The following TENM4 variants were observed in gnomAD, a reference collection of about 807,000 sequenced individuals.
The protein encoded by TENM4 is teneurin transmembrane protein 4, also known as teneurin-4.
In TENM4, 82 loss-of-function variants were observed where a neutral mutation model predicts 243.3. The ratio of observed to expected loss-of-function variants is 0.34; its 90% CI spans 0.28 to 0.40. The LOEUF (loss-of-function observed/expected upper bound fraction) is 0.40, where lower values mean the gene tolerates loss of function less well. TENM4 is among the 10% of genes least tolerant of loss of function. The pLI, the probability that TENM4 is intolerant of heterozygous loss-of-function variation, is 1.00. For missense variants in TENM4, 3,138 were observed against 3,673.3 expected, an observed-to-expected ratio of 0.85 and a Z score of 3.77; for synonymous variants, 1,412 against 1,456.3, an observed-to-expected ratio of 0.97 and a Z score of 0.69.
intron 6 of TENM4, among the ~76,000 whole-genome samples, chr11:79,046,158 C>T (rs1020102729): frequency 1.3e-5 from 2 of 152,192 alleles, no homozygotes; most frequent in African/African-American, 4.8e-5. Flanking sequence ...GGCTGACTCA[C>T]TTAGAAGGGG....
intron 1 of TENM4, among the ~76,000 whole-genome samples, chr11:79,382,784 A>G (rs1565323648): frequency 6.6e-6 from 1 of 152,108 alleles, no homozygotes; most frequent in Admixed American, 6.5e-5. Context: ...CTGAGAAATG[A>G]AACCACTCCT....
chr11:78,878,218 C>T (rs1003661565), intron 9 of TENM4, among the ~76,000 whole-genome samples: 1 of 152,150 alleles, frequency 6.6e-6, no homozygotes, highest in African/African-American at 2.4e-5. Flanking sequence ...TCATCCTGCC[C>T]TCCTTTCTTT....
chr11:79,053,984 T>C (rs1468150395), intron 6 of TENM4, among the ~76,000 whole-genome samples: 4 of 152,202 alleles, frequency 2.6e-5, no homozygotes, highest in Admixed American at 2.6e-4. Context: ...GCTAGTTTCA[T>C]GTTGTGCCCA....
Position 78,891,186 on chromosome 11 carries a change from C to T in TENM4, c.848+52G>A, listed in dbSNP as rs1045167038. 3.0e-5 allele frequency: 46 copies of T among 1,513,294 alleles called. No homozygotes were observed. In the Middle Eastern group the frequency reaches 1.0e-3, roughly 34 times the overall value. The allele number at this position is 1,513,294 out of a possible 1,614,324, so 93.7% of individuals were successfully genotyped here. A position where few individuals can be genotyped will look rare whatever the true frequency, so the allele number is the denominator to read the frequency against. On this transcript the variant is annotated intron_variant, in intron 8 of 33. Coordinates refer to ENST00000278550, the MANE Select transcript of TENM4 (RefSeq NM_001098816.3). ...AGGTCTCAGGGTCTGCATGCAAGTGCAGGAGCCACAAGGAGAGCACACACA... is the reference window on the plus strand; with the variant it reads ...AGGTCTCAGGGTCTGCATGCAAGTGTAGGAGCCACAAGGAGAGCACACACA...
chr11:78,873,177 T>TGTGCAC (rs1181045339), intron 9 of TENM4, among the ~76,000 whole-genome samples: 1 of 152,214 alleles, frequency 6.6e-6, no homozygotes, highest in African/African-American at 2.4e-5. Flanking sequence ...TGCCTTTATC[T>TGTGCAC]GTGCACGGAG....
intron 1 of TENM4, among the ~76,000 whole-genome samples, chr11:79,436,351 A>T (rs536575560): frequency 6.2e-4 from 94 of 151,098 alleles, no homozygotes; most frequent in Non-Finnish European, 1.1e-3. Flanking sequence ...ACTGGATCAT[A>T]AAAAAAAACC....
chr11:79,163,354 A>G (rs1312342089), intron 3 of TENM4, among the ~76,000 whole-genome samples: 1 of 152,154 alleles, frequency 6.6e-6, no homozygotes, highest in East Asian at 1.9e-4. Flanking sequence ...CAACAAGCTG[A>G]AAACACTTGT....
chr11:79,051,729 CGT>C (rs1859798453), intron 6 of TENM4, among the ~76,000 whole-genome samples: 1 of 152,130 alleles, frequency 6.6e-6, no homozygotes, highest in South Asian at 2.1e-4. Flanking sequence ...CATAAATAAA[CGT>C]GTGTCATGGT....
intron 4 of TENM4, among the ~76,000 whole-genome samples, chr11:79,088,634 T>G (rs181387973): frequency 6.6e-6 from 1 of 152,346 alleles, no homozygotes; most frequent in Non-Finnish European, 1.5e-5. Context: ...ACTTGGCTGT[T>G]TATTATGACT....
At chr11:79,030,871 C>T (rs927013772) in intron 6 of TENM4, among the ~76,000 whole-genome samples, 1 of 152,154 alleles carries the variant, frequency 6.6e-6, no homozygotes, top group Non-Finnish European at 1.5e-5. Flanking sequence ...CGCCAAGGCC[C>T]TGCTGGATAT....
At chr11:78,783,155 G>C (rs1856870353) in intron 16 of TENM4, among the ~76,000 whole-genome samples, 1 of 152,058 alleles carries the variant, frequency 6.6e-6, no homozygotes, top group African/African-American at 2.4e-5. Flanking sequence ...AAAGAAATAG[G>C]AAAAAAATTA....
chr11:78,857,903 T>A (rs1858716711), intron 10 of TENM4, among the ~76,000 whole-genome samples: 1 of 152,188 alleles, frequency 6.6e-6, no homozygotes. Flanking sequence ...AGCTTTTAAT[T>A]TTGCTAGGGA....
chr11:78,815,461 C>G (rs1565391154), intron 12 of TENM4, among the ~76,000 whole-genome samples: 2 of 152,314 alleles, frequency 1.3e-5, no homozygotes, highest in East Asian at 3.9e-4. Context: ...TCATGCCCCC[C>G]TTTTGCAGAG....
chr11:79,310,445 T>C (rs1180715484), intron 1 of TENM4, among the ~76,000 whole-genome samples: 3 of 152,166 alleles, frequency 2.0e-5, no homozygotes, highest in African/African-American at 4.8e-5. Context: ...GTCCAATAGG[T>C]GCCAGGCTCT....
chr11:79,344,796 C>T (rs1474152056), intron 1 of TENM4, among the ~76,000 whole-genome samples: 5 of 152,118 alleles, frequency 3.3e-5, no homozygotes, highest in South Asian at 2.1e-4. Flanking sequence ...ACCTAAATTG[C>T]CAAGACAAAT....
rs778673217 is a variant in TENM4 at position 78,658,475 on chromosome 11, G to C, written c.7893C>G (p.Ile2631Met). 2 of 1,614,058 alleles carry C rather than the reference G, an allele frequency of 1.2e-6. No homozygotes were observed. The highest frequency in any genetic ancestry group is 8.5e-7 in the Non-Finnish European group (1 of 1,179,904). The change falls in exon 34 of 34, where the codon ATC (isoleucine) becomes ATG (methionine). Residue 2631 changes from isoleucine (I) to methionine (M), a missense_variant. Ile to Met is a conservative substitution (Grantham distance 10). Transcript: ENST00000278550. ...KPGPSEGDLA[I>M]LGLSGGRRTL... ...TTCGCCGCCCCCCACTGAGGCCCAG[G>C]ATGGCCAGGTCACCTTCTGAAGGTC...
rs567128847 is a variant in TENM4, at chr11:79,087,726, G to A, written c.-65-17717C>T. Among the ~76,000 whole-genome samples, 16 of 152,314 alleles carry A rather than the reference G, an allele frequency of 1.1e-4. No homozygotes were observed. The East Asian group carries it at 2.9e-3, about 28-fold the overall frequency. On this transcript the variant is annotated intron_variant, in intron 4 of 33. Coordinates refer to ENST00000278550, the MANE Select transcript of TENM4 (RefSeq NM_001098816.3). ...CCTTCCTGCAGCTCACTGTACAGAG[G>A]TGACATTCTCAGAATGTCCTTAATC...
chr11:78,702,475 A>G, intron 27 of TENM4, 72 bp from the exon 28 acceptor site: 2 of 1,527,672 alleles, frequency 1.3e-6, no homozygotes, highest in South Asian at 1.3e-5. Flanking sequence ...TAGCCCATGT[A>G]GCCCATAACA....
chr11:79,227,605 G>T (rs1864297078), intron 2 of TENM4, among the ~76,000 whole-genome samples: 1 of 152,190 alleles, frequency 6.6e-6, no homozygotes, highest in Non-Finnish European at 1.5e-5. Flanking sequence ...GTGAGACTGG[G>T]GAGGCAGCCC....
Sources: gnomAD v4.1 joint callset for allele counts (sites outside exome capture counted in the v4.1 genomes callset) on GRCh38, gnomAD v4.1.1 for gene constraint, MANE v1.5 for transcripts, NCBI Gene and HGNC (gene_info 2026-07-23, HGNC 2026-07-21) for gene names.